RABEP1: variants seen among roughly 807,000 people sequenced by gnomAD.
RABEP1 encodes rab GTPase-binding effector protein 1.
Under a neutral mutation model 123.4 loss-of-function variants are expected in RABEP1, and 51 were observed. The observed-to-expected ratio is 0.41, with a 90% CI of 0.33 to 0.52. The LOEUF (loss-of-function observed/expected upper bound fraction) is 0.52. Among genes scored for constraint, RABEP1 ranks in the 20% least tolerant of loss-of-function variants. RABEP1 has a pLI of 0.16. For missense variants in RABEP1, 888 were observed against 996.3 expected (o/e 0.89, Z 1.46); for synonymous variants, 347 against 355.2 (o/e 0.98, Z 0.26).
At chr17:5,355,965 A>G (rs1342348056) in intron 8 of RABEP1, among the ~76,000 whole-genome samples, 1 of 152,210 alleles carries the variant, frequency 6.6e-6, no homozygotes, top group African/African-American at 2.4e-5. Context: ...GCAGTAATCT[A>G]TCCAGGAATG....
Position 5,338,299 on chromosome 17 carries a change from C to T in RABEP1, c.648+161C>T, listed in dbSNP as rs547563926. The T allele has an allele frequency of 2.9e-5, 25 of 866,750 alleles. No individual in the cohort carries two copies. The East Asian group carries it at 3.4e-4, about 12-fold the overall frequency. 53.7% of individuals were successfully genotyped at this position (866,750 alleles called of 1,614,324 possible). On this transcript the variant is annotated intron_variant, in intron 5 of 17. Coordinates refer to ENST00000537505, the MANE Select transcript of RABEP1 (RefSeq NM_004703.6). ...AAAAACTGCCGGGCGAGGTGGCTCA[C>T]GCCTGTAATCCCAGCACTTTGGGAG...
At chr17:5,353,248 T>A (rs1211508958) in intron 7 of RABEP1, among the ~76,000 whole-genome samples, 4 of 152,198 alleles carry the variant, frequency 2.6e-5, no homozygotes, top group Non-Finnish European at 4.4e-5. Context: ...CCCTTAATTG[T>A]CTCTTCTCAT....
chr17:5,308,591 A>G, intron 1 of RABEP1, 103 bp from the exon 2 acceptor site: 1 of 1,073,578 alleles, frequency 9.3e-7, no homozygotes, highest in Non-Finnish European at 1.3e-6. Flanking sequence ...AAGCTTGACT[A>G]CTTGTTTCAC....
chr17:5,338,263 T>C, intron 5 of RABEP1, 125 bp downstream of exon 5: 2 of 1,265,068 alleles, frequency 1.6e-6, no homozygotes, highest in Non-Finnish European at 2.1e-6. Flanking sequence ...AGAATCTTTC[T>C]TTAAAATGCA....
Position 5,367,724 on chromosome 17 carries a change from C to T in RABEP1, c.1786-646C>T, listed in dbSNP as rs1330477471. ...TGCCTTTTTTTTGTGCTAAATTCTG[C>T]ACTGTGATTTATGTGAAATAAAATT... is the stretch of plus-strand genomic sequence containing the variant. On this transcript the variant is annotated intron_variant, in intron 11 of 17. Coordinates refer to ENST00000537505, the MANE Select transcript of RABEP1 (RefSeq NM_004703.6). Among the ~76,000 whole-genome samples the T allele has an allele frequency of 1.3e-5, 2 of 150,708 alleles. 1 individual carries two copies. The highest frequency in any genetic ancestry group is 4.0e-4 in the East Asian group (2 of 4,978).
intron 1 of RABEP1, among the ~76,000 whole-genome samples, chr17:5,298,510 T>C (rs962044304): frequency 1.3e-5 from 2 of 152,222 alleles, no homozygotes; most frequent in Non-Finnish European, 2.9e-5. Context: ...CTCTGAATTG[T>C]GTGTGTATGT....
chr17:5,332,797 G>A (rs917969496), intron 3 of RABEP1, among the ~76,000 whole-genome samples: 1 of 151,704 alleles, frequency 6.6e-6, no homozygotes, highest in African/African-American at 2.4e-5. Flanking sequence ...TAGTAGAGAC[G>A]GGATTTCGCC....
intron 1 of RABEP1, among the ~76,000 whole-genome samples, chr17:5,297,349 C>T (rs182668501): frequency 6.6e-6 from 1 of 152,140 alleles, no homozygotes; most frequent in Non-Finnish European, 1.5e-5. Flanking sequence ...ATACAGATTG[C>T]TTACAGATTT....
In RABEP1 at chr17:5,304,377, C is replaced by T. The variant is rs111807293; in HGVS notation, c.35-4317C>T. ...GGTGAGTCATCTGAGATCAGGAGTT[C>T]GAGACTAGCCTGGCTAATGTGGTAA... On this transcript the variant is annotated intron_variant, in intron 1 of 17. Coordinates refer to ENST00000537505, the MANE Select transcript of RABEP1 (RefSeq NM_004703.6). Among the ~76,000 whole-genome samples the T allele has an allele frequency of 9.2e-5, 14 of 151,956 alleles. 1 individual carries two copies. The highest frequency in any genetic ancestry group is 1.9e-4 in the African/African-American group (8 of 41,448).
intron 11 of RABEP1, among the ~76,000 whole-genome samples, chr17:5,366,842 C>A (rs1359956964): frequency 3.3e-5 from 5 of 151,762 alleles, no homozygotes; most frequent in Non-Finnish European, 5.9e-5. Flanking sequence ...GTAATCCCAG[C>A]ACTTTGGGAG....
chr17:5,383,444 T>C lies in RABEP1; in HGVS notation c.*221T>C. ...ACCTTCAAATGCGAACACTATAAAC[T>C]CCAGGCTTGATTCCAACAGGCGTGG... On this transcript the variant is annotated 3_prime_UTR_variant, in exon 18 of 18. Coordinates refer to ENST00000537505, the MANE Select transcript of RABEP1 (RefSeq NM_004703.6). 2.0e-6 allele frequency: 1 copy of C among 491,426 alleles called. No homozygotes were observed. The highest frequency in any genetic ancestry group is 3.7e-6 in the Non-Finnish European group (1 of 272,920). 30.4% of individuals were successfully genotyped at this position (491,426 alleles called of 1,614,324 possible). A position where few individuals can be genotyped will look rare whatever the true frequency, so the allele number is the denominator to read the frequency against.
intron 2 of RABEP1, among the ~76,000 whole-genome samples, chr17:5,331,050 TTTTTTA>T (rs1432432791): frequency 8.2e-6 from 1 of 121,304 alleles, no homozygotes; most frequent in East Asian, 2.8e-4. Flanking sequence ...TTTTTTTTTT[TTTTTTA>T]AAGAAACACA....
Position 5,346,776 on chromosome 17 carries a change from G to T in RABEP1, c.649-14G>T, listed in dbSNP as rs1908100204. 1 of 1,506,832 alleles carries T rather than the reference G, an allele frequency of 6.6e-7. No individual in the cohort carries two copies. Among genetic ancestry groups the T allele is most frequent in the Non-Finnish European group, 8.9e-7 (1 of 1,120,466 alleles). 93.3% of individuals were successfully genotyped at this position (1,506,832 alleles called of 1,614,324 possible). A position where few individuals can be genotyped will look rare whatever the true frequency, so the allele number is the denominator to read the frequency against. On this transcript the variant is annotated splice_polypyrimidine_tract_variant and intron_variant, in intron 5 of 17. Coordinates refer to ENST00000537505, the MANE Select transcript of RABEP1 (RefSeq NM_004703.6). ...TTGTAAATTTCAGTTTAATGGAATT[G>T]CATCTTCTTTCAGGTTAAAGAACTG...
At chr17:5,320,367 C>G (rs1308973554) in intron 2 of RABEP1, among the ~76,000 whole-genome samples, 1 of 123,854 alleles carries the variant, frequency 8.1e-6, no homozygotes, top group African/African-American at 3.0e-5. Flanking sequence ...ACCCATCCCA[C>G]AAGAAATGCT....
chr17:5,352,313 C>T (rs573599886), intron 7 of RABEP1, among the ~76,000 whole-genome samples: 21 of 151,908 alleles, frequency 1.4e-4, no homozygotes, highest in African/African-American at 2.9e-4. Flanking sequence ...CTGTCTCAGC[C>T]GCCCAAGTAG....
At chr17:5,369,181 G>A (rs935655318) in intron 12 of RABEP1, among the ~76,000 whole-genome samples, 8 of 152,138 alleles carry the variant, frequency 5.3e-5, no homozygotes, top group Non-Finnish European at 7.4e-5. Flanking sequence ...TGTGGTGCTG[G>A]GGACCTTCCA....
intron 2 of RABEP1, among the ~76,000 whole-genome samples, chr17:5,324,038 C>G (rs924885224): frequency 6.6e-6 from 1 of 151,686 alleles, no homozygotes; most frequent in Admixed American, 6.6e-5. Context: ...AGATTCAATA[C>G]AAATCCTATC....
At position 5,360,934 on chromosome 17, in the gene RABEP1, A is replaced by T. The variant is rs1053915716; in HGVS notation, c.1096-274A>T. 8.0e-5 allele frequency: 31 copies of T among 387,736 alleles called. No individual in the cohort carries two copies. The Admixed American group carries it at 1.2e-3, about 15-fold the overall frequency. 24.0% of individuals were successfully genotyped at this position (387,736 alleles called of 1,614,324 possible). ...TAGCTCCAGCCCATCCTTTTATCAC[A>T]GTATTATAACAGTCTGCTTACTTAT... On this transcript the variant is annotated intron_variant, in intron 8 of 17. Transcript: ENST00000537505.
At chr17:5,357,925 G>A (rs11867190) in intron 8 of RABEP1, among the ~76,000 whole-genome samples, 70,112 of 151,888 alleles carry the variant, frequency 0.46, 17,332 homozygotes, top group African/African-American at 0.65. Flanking sequence ...AGGACTGGCT[G>A]GTAATTAATT....
Sources: gnomAD v4.1 joint callset for allele counts (sites outside exome capture counted in the v4.1 genomes callset) on GRCh38, gnomAD v4.1.1 for gene constraint, MANE v1.5 for transcripts, NCBI Gene and HGNC (gene_info 2026-07-23, HGNC 2026-07-21) for gene names.